The following PTPRN2 variants were observed in gnomAD, a reference collection of about 807,000 sequenced individuals.
PTPRN2 encodes protein tyrosine phosphatase receptor type N2, also known as receptor-type tyrosine-protein phosphatase N2.
A neutral mutation model predicts 118.8 loss-of-function variants in PTPRN2; 74 were observed. The observed-to-expected ratio is 0.62, with a 90% CI of 0.52 to 0.76. The LOEUF is 0.76. PTPRN2 is among the 30% of genes least tolerant of loss of function. The pLI is 0.00. For synonymous variants in PTPRN2, 641 were observed against 608.0 expected (o/e 1.05, Z -0.80); for missense variants, 1,481 against 1,394.4 (o/e 1.06, Z -0.99).
chr7:158,057,868 G>A (rs73510494), intron 11 of PTPRN2, among the ~76,000 whole-genome samples: 17 of 152,304 alleles, frequency 1.1e-4, no homozygotes, highest in African/African-American at 3.1e-4. Flanking sequence ...CAAGGAACAC[G>A]GGCCGTGAAG....
At chr7:157,890,457 C>T (rs1806936) in intron 12 of PTPRN2, among the ~76,000 whole-genome samples, 73,085 of 151,920 alleles carry the variant, frequency 0.48, 18,842 homozygotes, top group Middle Eastern at 0.59. Flanking sequence ...CTGGCTAACA[C>T]GGTGAAACCC....
chr7:157,758,412 G>C (rs1801933697), intron 12 of PTPRN2, among the ~76,000 whole-genome samples: 1 of 152,330 alleles, frequency 6.6e-6, no homozygotes, highest in Admixed American at 6.5e-5. Flanking sequence ...AGGCGAGGTA[G>C]GTGGCACGAG....
intron 12 of PTPRN2, among the ~76,000 whole-genome samples, chr7:157,766,835 C>T (rs369834220): frequency 2.6e-5 from 4 of 152,216 alleles, no homozygotes; most frequent in East Asian, 1.9e-4. Context: ...TGGCTACCTC[C>T]GTTGGGGCCT....
At chr7:158,522,223 TAGTG>T (rs1824208026) in intron 1 of PTPRN2, among the ~76,000 whole-genome samples, 2 of 73,362 alleles carry the variant, frequency 2.7e-5, no homozygotes. Context: ...ACTGTCCAGG[TAGTG>T]GCTCAGGAGG....
intron 3 of PTPRN2, among the ~76,000 whole-genome samples, chr7:158,292,534 A>G (rs537419016): frequency 3.3e-5 from 5 of 152,388 alleles, no homozygotes; most frequent in African/African-American, 1.2e-4. Context: ...TGGTAGGGGT[A>G]CATTCTGAGT....
rs780088823 is a variant in PTPRN2, at chr7:157,578,096, G to A, written c.2541C>T (p.Pro847=). 39 of 1,613,510 alleles carry A rather than the reference G, an allele frequency of 2.4e-5. 1 individual carries two copies. In the South Asian group the frequency reaches 4.1e-4, roughly 17 times the overall value. Residue 847 remains proline (P), a synonymous_variant, in exon 18 of 23, where the codon CCC becomes CCT. Transcript: ENST00000389418. Reference sequence around the variant, plus strand: ...ACTGCCGGACGCCGTTCTCCGCGAGGGGTGTCAGCATGACGATCACCACGC... The same window carrying A: ...ACTGCCGGACGCCGTTCTCCGCGAGAGGTGTCAGCATGACGATCACCACGC... ...SGCVVIVMLT[P]LAENGVRQCY...
chr7:157,577,512 C>A (rs1793413602), intron 18 of PTPRN2, among the ~76,000 whole-genome samples: 1 of 152,166 alleles, frequency 6.6e-6, no homozygotes, highest in African/African-American at 2.4e-5. Context: ...GCAGGTTATC[C>A]TCAAATAAAA....
chr7:158,331,875 C>A (rs1223957226), intron 2 of PTPRN2, among the ~76,000 whole-genome samples: 16 of 146,002 alleles, frequency 1.1e-4, no homozygotes, highest in African/African-American at 4.1e-4. Context: ...AGAGCTGACA[C>A]CCGCAGACGT....
chr7:158,522,623 G>A (rs1824289263), intron 1 of PTPRN2, among the ~76,000 whole-genome samples: 2 of 152,214 alleles, frequency 1.3e-5, no homozygotes, highest in South Asian at 4.1e-4. Flanking sequence ...CTTACAACAT[G>A]CACCTTGCTG....
intron 11 of PTPRN2, among the ~76,000 whole-genome samples, chr7:158,004,600 C>T (rs755602704): frequency 2.0e-5 from 3 of 152,182 alleles, no homozygotes; most frequent in Non-Finnish European, 2.9e-5. Flanking sequence ...CTGACAGTTT[C>T]ATTTTCAGGA....
chr7:157,844,448 G>A (rs571645730), intron 12 of PTPRN2, among the ~76,000 whole-genome samples: 11 of 152,284 alleles, frequency 7.2e-5, no homozygotes, highest in Non-Finnish European at 8.8e-5. Flanking sequence ...GCTGAAATTC[G>A]AGGAAGAAAC....
At chr7:157,613,628 C>T (rs1162404153) in intron 15 of PTPRN2, among the ~76,000 whole-genome samples, 1 of 152,206 alleles carries the variant, frequency 6.6e-6, no homozygotes, top group Non-Finnish European at 1.5e-5. Flanking sequence ...CGTTCCTTCC[C>T]CGGTTCTCCA....
chr7:158,015,505 G>A lies in PTPRN2; in HGVS notation c.1723+65793C>T, dbSNP rs923274184. On this transcript the variant is annotated intron_variant, in intron 11 of 22. Transcript: ENST00000389418. This position sits in a 1 kb window ranked among gnomAD's most constrained non-coding sequence, Gnocchi z 4.2. Reference sequence around the variant, plus strand: ...GGAGAGAGGGAGAGAGGGAGATAGAGGGAGGGGTGGGAGGAAGACAGAAAG... The same window carrying A: ...GGAGAGAGGGAGAGAGGGAGATAGAAGGAGGGGTGGGAGGAAGACAGAAAG... 6.6e-6 allele frequency among the ~76,000 whole-genome samples: 1 copy of A among 151,804 alleles called. No homozygotes were observed. The highest frequency in any genetic ancestry group is 2.4e-5 in the African/African-American group (1 of 41,272).
intron 2 of PTPRN2, among the ~76,000 whole-genome samples, chr7:158,337,074 C>T (rs137996365): frequency 0.09 from 8,787 of 97,602 alleles, no homozygotes; most frequent in African/African-American, 0.15. Flanking sequence ...GAGCTGACAC[C>T]CGCAGACGTC....
At chr7:157,558,512 C>T (rs1265192696) in intron 21 of PTPRN2, among the ~76,000 whole-genome samples, 3 of 152,236 alleles carry the variant, frequency 2.0e-5, no homozygotes, top group Admixed American at 6.5e-5. Flanking sequence ...AACAATCACA[C>T]CAAATTGTGA....
chr7:158,062,628 T>C (rs1421290720), intron 11 of PTPRN2, among the ~76,000 whole-genome samples: 1 of 152,072 alleles, frequency 6.6e-6, no homozygotes, highest in Non-Finnish European at 1.5e-5. Context: ...CAGCACGAGT[T>C]CTGGGTGGGC....
intron 1 of PTPRN2, among the ~76,000 whole-genome samples, chr7:158,566,706 T>TTTTG (rs1563441079): frequency 6.6e-6 from 1 of 152,058 alleles, no homozygotes; most frequent in African/African-American, 2.4e-5. Flanking sequence ...AGTGGGGTTT[T>TTTTG]TTTTGTTTTG....
rs111733264 is a variant in PTPRN2, at chr7:157,619,187, C to A, written c.2344+2175G>T. ...GGCTGCAGGGCACACGGGAGGAAAACCCCATCGGCAGGTCGTTTCTGCCAC... is the reference window on the plus strand; with the variant it reads ...GGCTGCAGGGCACACGGGAGGAAAAACCCATCGGCAGGTCGTTTCTGCCAC... On this transcript the variant is annotated intron_variant, in intron 15 of 22. Transcript: ENST00000389418. The surrounding 1 kb of genome is among the most constrained non-coding windows in gnomAD (Gnocchi z 5.3). Among the ~76,000 whole-genome samples the A allele has an allele frequency of 2.0e-3, 311 of 152,296 alleles. 2 individuals carry two copies. Among genetic ancestry groups the A allele is most frequent in the African/African-American group, 6.9e-3 (286 of 41,554 alleles).
chr7:158,322,788 G>C (rs1803146650), intron 2 of PTPRN2, among the ~76,000 whole-genome samples: 1 of 152,254 alleles, frequency 6.6e-6, no homozygotes, highest in South Asian at 2.1e-4. Flanking sequence ...CCTCCACTTG[G>C]GTGGTGTTCC....
Sources: allele counts gnomAD v4.1 joint callset (sites outside exome capture counted in the v4.1 genomes callset), GRCh38; gene constraint gnomAD v4.1.1; non-coding constraint Gnocchi (gnomAD v3.1); transcripts MANE v1.5; gene names NCBI Gene and HGNC (gene_info 2026-07-23, HGNC 2026-07-21).